ZC4H2: variants seen among roughly 807,000 people sequenced by gnomAD.
ZC4H2 encodes zinc finger C4H2-type containing, also known as zinc finger C4H2 domain-containing protein.
For missense variants in ZC4H2, 137 were observed against 173.9 expected (o/e 0.79, Z 1.19); for synonymous variants, 84 against 66.3 (o/e 1.27, Z -1.30).
intron 1 of ZC4H2, among the ~76,000 whole-genome samples, chrX:64,991,972 G>A (rs142092529): frequency 0.014 from 1,523 of 111,683 alleles, 26 homozygotes; most frequent in African/African-American, 0.046. Flanking sequence ...GTATAGGCAA[G>A]TACATAGAGA....
rs372256423 is a variant in ZC4H2 at position 64,950,493 on chromosome X, C to T, written c.53+25832G>A. 6.7e-4 allele frequency among the ~76,000 whole-genome samples: 74 copies of T among 111,122 alleles called. No homozygotes were observed. The East Asian group carries it at 0.013, about 20-fold the overall frequency. ...ATTGTGTGGGAGTCTAAGTCTCTTT[C>T]TAGGTCTCTAAGGACTTGCTTTATG... On this transcript the variant is annotated intron_variant, in intron 1 of 4. Coordinates refer to ENST00000374839, the MANE Select transcript of ZC4H2 (RefSeq NM_018684.4).
intron 1 of ZC4H2, among the ~76,000 whole-genome samples, chrX:64,983,637 T>C (rs750474185): frequency 8.9e-6 from 1 of 112,209 alleles, no homozygotes; most frequent in South Asian, 3.7e-4. Context: ...GATTACATGA[T>C]CTACTCTTCC....
At chrX:64,949,532 C>T (rs913394983) in intron 1 of ZC4H2, among the ~76,000 whole-genome samples, 27 of 111,475 alleles carry the variant, frequency 2.4e-4, no homozygotes, top group African/African-American at 8.8e-4. Flanking sequence ...CCCTTAAGCA[C>T]CCAGAGGAAA....
intron 1 of ZC4H2, among the ~76,000 whole-genome samples, chrX:65,034,306 G>C (rs1332583150): frequency 9.0e-6 from 1 of 111,285 alleles, no homozygotes; most frequent in Admixed American, 9.5e-5. Context: ...CAGTAGTCAA[G>C]AATTGTTAGG....
At chrX:65,025,575 G>A (rs1215754785) in intron 1 of ZC4H2, among the ~76,000 whole-genome samples, 1 of 111,365 alleles carries the variant, frequency 9.0e-6, no homozygotes, top group Non-Finnish European at 1.9e-5. Flanking sequence ...GTGGGATTAG[G>A]GAAAGCAAGA....
chrX:64,953,353 G>T (rs1344084475), intron 1 of ZC4H2, among the ~76,000 whole-genome samples: 1 of 112,029 alleles, frequency 8.9e-6, no homozygotes, highest in African/African-American at 3.2e-5. Context: ...CTTCTGGGCG[G>T]CAAAGGAAAC....
intron 1 of ZC4H2, among the ~76,000 whole-genome samples, chrX:64,988,986 C>T (rs1932251931): frequency 1.8e-5 from 2 of 111,916 alleles, no homozygotes; most frequent in African/African-American, 3.3e-5. Flanking sequence ...ATCCTTTCCT[C>T]GTTTATTGTT....
At chrX:64,935,633 C>T (rs981589646) in intron 1 of ZC4H2, among the ~76,000 whole-genome samples, 1 of 112,107 alleles carries the variant, frequency 8.9e-6, no homozygotes, top group Non-Finnish European at 1.9e-5. Flanking sequence ...AAAGAACAGG[C>T]AGCAATCGTT....
intron 1 of ZC4H2, among the ~76,000 whole-genome samples, chrX:64,963,824 A>G (rs997122429): frequency 1.8e-5 from 2 of 111,761 alleles, no homozygotes; most frequent in African/African-American, 6.5e-5. Context: ...TAAATGAATG[A>G]ATTAACAATG....
intron 1 of ZC4H2, among the ~76,000 whole-genome samples, chrX:64,970,784 G>C (rs1433775409): frequency 8.9e-6 from 1 of 111,914 alleles, no homozygotes; most frequent in Non-Finnish European, 1.9e-5. Context: ...GCAAAGGTCT[G>C]GTGGAACGGA....
At chrX:65,011,550 T>C (rs1368148384) in intron 1 of ZC4H2, among the ~76,000 whole-genome samples, 1 of 111,440 alleles carries the variant, frequency 9.0e-6, no homozygotes. Flanking sequence ...ATTATGGTAG[T>C]AAACCAAGAA....
chrX:64,946,536 C>G (rs1930541138), intron 1 of ZC4H2, among the ~76,000 whole-genome samples: 1 of 108,650 alleles, frequency 9.2e-6, no homozygotes, highest in Non-Finnish European at 1.9e-5. Flanking sequence ...AGAGCTGTTC[C>G]TATTCAGCCA....
At chrX:64,965,295 G>A (rs1019908413) in intron 1 of ZC4H2, among the ~76,000 whole-genome samples, 8 of 111,701 alleles carry the variant, frequency 7.2e-5, no homozygotes, top group Non-Finnish European at 1.1e-4. Context: ...AAAAGATATA[G>A]TAATCAAATC....
intron 1 of ZC4H2, among the ~76,000 whole-genome samples, chrX:64,952,587 A>G (rs1285251856): frequency 1.8e-5 from 2 of 111,233 alleles, no homozygotes; most frequent in African/African-American, 3.3e-5. Flanking sequence ...AAGAGAATAA[A>G]ATACCTAGGA....
At position 65,009,844 on chromosome X, in the gene ZC4H2, G is replaced by A. The variant is rs1932730733; in HGVS notation, c.-272+24785C>T. Among the ~76,000 whole-genome samples, 4 of 111,550 alleles carry A rather than the reference G, an allele frequency of 3.6e-5. No homozygotes were observed. The Admixed American group carries it at 3.8e-4, about 11-fold the overall frequency. On this transcript the variant is annotated intron_variant, in intron 1 of 4. Transcript: ENST00000337990. ...ATAAAGTCCTTTGTCTTTGACCCAG[G>A]AGTGTCATATCTTCAGTCAGCACCA... is the stretch of plus-strand genomic sequence containing the variant.
Position 64,928,282 on chromosome X carries a change from C to A in ZC4H2, c.54-6294G>T, listed in dbSNP as rs772477577. ...TCTTACATTTAAGTCTGTAATCAAT[C>A]TTGAGTTAATTTTTGTATAAGGTGT... is the stretch of plus-strand genomic sequence containing the variant. On this transcript the variant is annotated intron_variant, in intron 1 of 4. Coordinates refer to ENST00000374839, the MANE Select transcript of ZC4H2 (RefSeq NM_018684.4). Among the ~76,000 whole-genome samples, 3 of 111,804 alleles carry A rather than the reference C, an allele frequency of 2.7e-5. No individual in the cohort carries two copies. The South Asian group carries it at 1.1e-3, about 42-fold the overall frequency.
At chrX:65,000,566 C>G (rs1932516018) in intron 1 of ZC4H2, among the ~76,000 whole-genome samples, 2 of 111,634 alleles carry the variant, frequency 1.8e-5, no homozygotes, top group African/African-American at 6.5e-5. Flanking sequence ...GCAAGGGAAA[C>G]AAACCAAACA....
intron 1 of ZC4H2, among the ~76,000 whole-genome samples, chrX:64,949,543 G>T (rs978516702): frequency 1.3e-4 from 14 of 111,572 alleles, no homozygotes; most frequent in African/African-American, 4.2e-4. Flanking sequence ...CCAGAGGAAA[G>T]GTAAACAGAA....
intron 1 of ZC4H2, among the ~76,000 whole-genome samples, chrX:64,943,554 C>G (rs1299359336): frequency 9.2e-6 from 1 of 109,118 alleles, no homozygotes; most frequent in African/African-American, 3.5e-5. Flanking sequence ...GGTAGCTCTT[C>G]TTGTTGCATT....
Sources: allele counts gnomAD v4.1 joint callset (sites outside exome capture counted in the v4.1 genomes callset), GRCh38; gene constraint gnomAD v4.1.1; transcripts MANE v1.5; gene names NCBI Gene and HGNC (gene_info 2026-07-23, HGNC 2026-07-21).